HTR2A: variants seen among roughly 807,000 people sequenced by gnomAD.
HTR2A encodes the protein 5-HT2 receptor.
In HTR2A, 14 loss-of-function variants were observed where a neutral mutation model predicts 31.0. The observed-to-expected ratio is 0.45, with a 90% CI of 0.30 to 0.71. The LOEUF (loss-of-function observed/expected upper bound fraction) is 0.71. HTR2A is among the 30% of genes least tolerant of loss of function. The pLI is 0.09. For missense variants in HTR2A, 442 were observed against 573.3 expected, an observed-to-expected ratio of 0.77 and a Z score of 2.34; for synonymous variants, 209 against 225.2, an observed-to-expected ratio of 0.93 and a Z score of 0.64.
At chr13:46,856,670 T>C (rs1371579076) in intron 3 of HTR2A, among the ~76,000 whole-genome samples, 1 of 152,210 alleles carries the variant, frequency 6.6e-6, no homozygotes, top group Non-Finnish European at 1.5e-5. Flanking sequence ...CTTATGTATG[T>C]ACTTCTATCC....
At chr13:46,882,207 A>C (rs912079901) in intron 3 of HTR2A, among the ~76,000 whole-genome samples, 1 of 147,632 alleles carries the variant, frequency 6.8e-6, no homozygotes, top group Non-Finnish European at 1.5e-5. Flanking sequence ...ACTCACAAGC[A>C]AGTGAAAATG....
intron 3 of HTR2A, among the ~76,000 whole-genome samples, chr13:46,857,733 A>G (rs549544211): frequency 1.0e-3 from 156 of 152,204 alleles, no homozygotes; most frequent in Non-Finnish European, 1.9e-3. Flanking sequence ...AATGCCCTGG[A>G]GGCAAGAAAG....
chr13:46,866,702 A>C (rs1043907939), intron 3 of HTR2A, among the ~76,000 whole-genome samples: 4 of 152,248 alleles, frequency 2.6e-5, no homozygotes, highest in African/African-American at 7.2e-5. Flanking sequence ...CTGAAAATAA[A>C]CATAATAAAT....
intron 3 of HTR2A, among the ~76,000 whole-genome samples, chr13:46,873,418 A>ATT (rs1950879795): frequency 7.2e-6 from 1 of 138,854 alleles, no homozygotes; most frequent in South Asian, 2.3e-4. Flanking sequence ...TCCCAACTGT[A>ATT]ATATAAAATT....
intron 3 of HTR2A, among the ~76,000 whole-genome samples, chr13:46,888,398 AGACT>A (rs1376332292): frequency 6.6e-6 from 1 of 152,158 alleles, no homozygotes; most frequent in Non-Finnish European, 1.5e-5. Context: ...AATAAAAATA[AGACT>A]GACAGCTGGA....
chr13:46,895,464 C>T lies in HTR2A; in HGVS notation c.412+31G>A, dbSNP rs377639852. The T allele has an allele frequency of 3.6e-5, 57 of 1,597,982 alleles. No homozygotes were observed. The highest frequency in any genetic ancestry group is 6.8e-5 in the Admixed American group (4 of 59,192). On this transcript the variant is annotated intron_variant, in intron 2 of 3. Transcript: ENST00000542664. The surrounding 1 kb of genome is among the most constrained non-coding windows in gnomAD (Gnocchi z 4.4). ...ATGCACATGCTCTTTATTACCAGTG[C>T]GAATATAGCTGGGAAACTAATGCCA... is the stretch of plus-strand genomic sequence containing the variant.
intron 3 of HTR2A, among the ~76,000 whole-genome samples, chr13:46,888,222 G>T (rs1279098268): frequency 1.3e-5 from 2 of 152,180 alleles, no homozygotes; most frequent in Non-Finnish European, 2.9e-5. Flanking sequence ...GTGACCAAGA[G>T]TTTTGTCAAA....
Position 46,896,140 on chromosome 13 carries a change from ATTAT to A in HTR2A, c.-238_-235del. 1 of 1,255,442 alleles carries A rather than the reference ATTAT, an allele frequency of 8.0e-7. No homozygotes were observed. Among genetic ancestry groups the A allele is most frequent in the Non-Finnish European group, 1.0e-6 (1 of 1,002,694 alleles). The allele number at this position is 1,255,442 out of a possible 1,614,324, so 77.8% of individuals were successfully genotyped here. A position where few individuals can be genotyped will look rare whatever the true frequency, so the allele number is the denominator to read the frequency against. ...TTAGGAGAGTCCACTGTTTGGTTTT[ATTAT>A]TTTCTCACCAAACCGAGGACAAAAA... is the stretch of plus-strand genomic sequence containing the variant. On this transcript the variant is annotated 5_prime_UTR_variant, in exon 2 of 4. An upstream open reading frame in the 5' UTR loses its in-frame stop. Coordinates refer to ENST00000542664, the MANE Select transcript of HTR2A (RefSeq NM_000621.5).
Position 46,835,576 on chromosome 13 carries a change from C to T in HTR2A, c.677G>A (p.Ser226Asn), listed in dbSNP as rs1876423828. The change falls in exon 4 of 4, where the codon AGT (serine) becomes AAT (asparagine). Residue 226 changes from serine (S) to asparagine (N), a missense_variant. This residue lies in a region of HTR2A where 174 missense variants were observed against 195.1 expected (regional missense o/e 0.89). Coordinates refer to ENST00000542664, the MANE Select transcript of HTR2A (RefSeq NM_000621.5). ...QDDSKVFKEG[S>N]CLLADDNFVL... ...AAAGTTATCATCGGCGAGTAAGCAA[C>T]TCCCCTCCTTAAAGACCTTCGAATC... The T allele has an allele frequency of 1.2e-6, 2 of 1,613,910 alleles. No homozygotes were observed. Among genetic ancestry groups the T allele is most frequent in the Non-Finnish European group, 1.7e-6 (2 of 1,179,946 alleles).
Position 46,834,768 on chromosome 13 carries a change from T to G in HTR2A, c.*69A>C. 1 of 641,620 alleles carries G rather than the reference T, an allele frequency of 1.6e-6. No homozygotes were observed. Among genetic ancestry groups the G allele is most frequent in the Non-Finnish European group, 2.2e-6 (1 of 462,466 alleles). The allele number at this position is 641,620 out of a possible 1,614,324, so 39.7% of individuals were successfully genotyped here. On this transcript the variant is annotated 3_prime_UTR_variant, in exon 4 of 4. Transcript: ENST00000542664. ...TTGTCTAATTTTTTCCAATCTCATA[T>G]TTTTTTTTTTCCAGATAGGTGAAAA...
chr13:46,852,870 C>A (rs911610538), intron 3 of HTR2A, among the ~76,000 whole-genome samples: 1 of 152,104 alleles, frequency 6.6e-6, no homozygotes, highest in Non-Finnish European at 1.5e-5. Flanking sequence ...AAAATGAACA[C>A]CTTAGTTCTA....
At chr13:46,889,726 A>G (rs1951036105) in intron 3 of HTR2A, among the ~76,000 whole-genome samples, 1 of 152,230 alleles carries the variant, frequency 6.6e-6, no homozygotes, top group African/African-American at 2.4e-5. Context: ...TAAGGATCTA[A>G]ATTAAAAGAA....
intron 3 of HTR2A, among the ~76,000 whole-genome samples, chr13:46,881,649 A>G (rs966901452): frequency 6.6e-6 from 1 of 152,242 alleles, no homozygotes; most frequent in Admixed American, 6.5e-5. Context: ...AAGTGAGGAC[A>G]GGTAACCCAA....
At position 46,834,588 on chromosome 13, in the gene HTR2A, C is replaced by T. The variant is rs1301081999; in HGVS notation, c.*249G>A. The T allele has an allele frequency of 2.2e-6, 1 of 451,018 alleles. No individual in the cohort carries two copies. Among genetic ancestry groups the T allele is most frequent in the African/African-American group, 2.0e-5 (1 of 51,072 alleles). 27.9% of individuals were successfully genotyped at this position (451,018 alleles called of 1,614,324 possible). The stretch of plus-strand genomic sequence containing the variant: ...CAATAAAAGTGAATCATTTTAAAGA[C>T]ATATCATTTACAATGTTATAAATAA... On this transcript the variant is annotated 3_prime_UTR_variant, in exon 4 of 4. Coordinates refer to ENST00000542664, the MANE Select transcript of HTR2A (RefSeq NM_000621.5).
At chr13:46,839,362 T>C (rs890581209) in intron 3 of HTR2A, among the ~76,000 whole-genome samples, 1 of 152,126 alleles carries the variant, frequency 6.6e-6, no homozygotes, top group African/African-American at 2.4e-5. Context: ...AAATTTTATG[T>C]CAAAAAACTT....
At chr13:46,871,747 T>C (rs2138227569) in intron 3 of HTR2A, among the ~76,000 whole-genome samples, 1 of 152,304 alleles carries the variant, frequency 6.6e-6, no homozygotes, top group East Asian at 1.9e-4. Context: ...ACTGGCTGAG[T>C]ATGGCTCTGC....
chr13:46,840,644 G>C (rs1165897671), intron 3 of HTR2A, among the ~76,000 whole-genome samples: 1 of 151,922 alleles, frequency 6.6e-6, no homozygotes, highest in Non-Finnish European at 1.5e-5. Context: ...CTCTACTCAG[G>C]GTTCTTAATT....
chr13:46,872,033 A>G (rs1161379297), intron 3 of HTR2A, among the ~76,000 whole-genome samples: 1 of 152,216 alleles, frequency 6.6e-6, no homozygotes. Flanking sequence ...ATGGACAGTG[A>G]TATCTTTACA....
intron 3 of HTR2A, among the ~76,000 whole-genome samples, chr13:46,860,479 A>C (rs1037262622): frequency 2.0e-5 from 3 of 152,202 alleles, no homozygotes; most frequent in African/African-American, 7.2e-5. Context: ...ATTGCAGAAC[A>C]ATCACCTTTA....
Sources: allele counts gnomAD v4.1 joint callset (sites outside exome capture counted in the v4.1 genomes callset), GRCh38; gene constraint gnomAD v4.1.1; regional missense constraint gnomAD v4.1.1; non-coding constraint Gnocchi (gnomAD v3.1); transcripts MANE v1.5; gene names NCBI Gene and HGNC (gene_info 2026-07-23, HGNC 2026-07-21).